CWC27: variants seen among roughly 807,000 people sequenced by gnomAD.
The protein encoded by CWC27 is CWC27 spliceosome associated cyclophilin.
CWC27 carries 47 observed loss-of-function variants against 63.6 expected under a neutral mutation model. The observed-to-expected ratio is 0.74, with a 90% confidence interval of 0.58 to 0.94. CWC27 has a LOEUF of 0.94. CWC27 is among the 40% of genes least tolerant of loss of function. The probability of loss-of-function intolerance (pLI) is 0.00; values close to 1 mark genes in which losing one functional copy is unlikely to be tolerated. For missense variants in CWC27, 495 were observed against 554.3 expected, an observed-to-expected ratio of 0.89 and a Z score of 1.07; for synonymous variants, 175 against 179.8, an observed-to-expected ratio of 0.97 and a Z score of 0.22.
At chr5:64,921,296 G>A (rs1396004358) in intron 11 of CWC27, among the ~76,000 whole-genome samples, 1 of 152,026 alleles carries the variant, frequency 6.6e-6, no homozygotes, top group Non-Finnish European at 1.5e-5. Context: ...ATCTGAGAGT[G>A]TAGTTAGTAT....
intron 1 of CWC27, among the ~76,000 whole-genome samples, chr5:64,772,510 C>T (rs567055282): frequency 5.7e-4 from 86 of 149,904 alleles, no homozygotes; most frequent in Admixed American, 1.6e-3. Flanking sequence ...GCCTGTAATC[C>T]CAGCTACTCA....
intron 11 of CWC27, among the ~76,000 whole-genome samples, chr5:64,971,020 G>C (rs1443928803): frequency 6.8e-6 from 1 of 147,670 alleles, no homozygotes. Context: ...AAATTTCATT[G>C]ATATTTACAC....
Position 64,878,470 on chromosome 5 carries a change from TAAAAAAAAA to T in CWC27, c.939-6951_939-6943del, listed in dbSNP as rs397998002. On this transcript the variant is annotated intron_variant, in intron 10 of 13. Coordinates refer to ENST00000381070, the MANE Select transcript of CWC27 (RefSeq NM_005869.4). ...GTCAGCACTGTCCTGGGTTACAGAT[TAAAAAAAAA>T]AAAAAAAAAAAAAAAAAAAAAGCAC... is the stretch of plus-strand genomic sequence containing the variant. Among the ~76,000 whole-genome samples the T allele has an allele frequency of 3.2e-3, 85 of 26,936 alleles. 1 individual carries two copies. In the East Asian group the frequency reaches 0.067, roughly 21 times the overall value. The allele number at this position is 26,936 out of a possible 152,430, so 17.7% of individuals were successfully genotyped here.
At chr5:64,777,577 A>G (rs1743501261) in intron 2 of CWC27, among the ~76,000 whole-genome samples, 1 of 152,140 alleles carries the variant, frequency 6.6e-6, no homozygotes, top group Admixed American at 6.6e-5. Flanking sequence ...AATAGAAACC[A>G]TGTGACAAAT....
At chr5:64,884,476 G>C (rs1473412799) in intron 10 of CWC27, among the ~76,000 whole-genome samples, 1 of 152,146 alleles carries the variant, frequency 6.6e-6, no homozygotes, top group Non-Finnish European at 1.5e-5. Flanking sequence ...TTGGGATAAG[G>C]AAAGAAGCAC....
At chr5:64,924,097 T>G (rs1238970393) in intron 11 of CWC27, among the ~76,000 whole-genome samples, 1 of 152,212 alleles carries the variant, frequency 6.6e-6, no homozygotes, top group Admixed American at 6.5e-5. Context: ...CCTAATTGGT[T>G]TCCTTGTCTC....
At chr5:64,951,236 G>C (rs977673954) in intron 11 of CWC27, among the ~76,000 whole-genome samples, 11 of 151,544 alleles carry the variant, frequency 7.3e-5, no homozygotes, top group Admixed American at 7.2e-4. Flanking sequence ...GTCAATTAAT[G>C]GTATTATCGG....
chr5:64,798,103 G>A (rs1163062455), intron 7 of CWC27, among the ~76,000 whole-genome samples: 1 of 152,174 alleles, frequency 6.6e-6, no homozygotes, highest in Non-Finnish European at 1.5e-5. Flanking sequence ...TTTAAGGAAG[G>A]AAAGCATGAA....
chr5:65,009,655 C>T (rs537712760), intron 13 of CWC27, among the ~76,000 whole-genome samples: 1 of 152,136 alleles, frequency 6.6e-6, no homozygotes, highest in Non-Finnish European at 1.5e-5. Flanking sequence ...AACTAAAACT[C>T]TCTCTCTCTG....
intron 13 of CWC27, among the ~76,000 whole-genome samples, chr5:65,017,220 C>T (rs1408924567): frequency 6.6e-6 from 1 of 152,040 alleles, no homozygotes; most frequent in Non-Finnish European, 1.5e-5. Context: ...ACTTGGGAGG[C>T]CGAGGCAGGA....
At chr5:65,000,058 G>C (rs756876863) in intron 13 of CWC27, among the ~76,000 whole-genome samples, 29 of 151,992 alleles carry the variant, frequency 1.9e-4, no homozygotes, top group Non-Finnish European at 3.5e-4. Flanking sequence ...ATCTCACTGT[G>C]GCTTTGATTC....
At chr5:64,918,034 G>GA (rs1747924657) in intron 11 of CWC27, among the ~76,000 whole-genome samples, 1 of 150,766 alleles carries the variant, frequency 6.6e-6, no homozygotes, top group African/African-American at 2.4e-5. Flanking sequence ...AACAAAACTT[G>GA]AAAAAAAAAT....
chr5:64,843,040 A>G (rs1379601893), intron 10 of CWC27, among the ~76,000 whole-genome samples: 1 of 152,224 alleles, frequency 6.6e-6, no homozygotes, highest in Non-Finnish European at 1.5e-5. Context: ...TTAATGTTAC[A>G]AGGTTTACTC....
intron 11 of CWC27, among the ~76,000 whole-genome samples, chr5:64,921,318 T>C (rs1261480606): frequency 6.6e-6 from 1 of 152,160 alleles, no homozygotes; most frequent in Non-Finnish European, 1.5e-5. Flanking sequence ...GTTTTGATTT[T>C]TTTTTAATTT....
chr5:64,900,686 G>A (rs1039011077), intron 11 of CWC27, among the ~76,000 whole-genome samples: 1 of 151,838 alleles, frequency 6.6e-6, no homozygotes, highest in Non-Finnish European at 1.5e-5. Context: ...GTAGTTTTAA[G>A]ATTTTACATT....
chr5:64,842,858 TC>T (rs1382260169), intron 10 of CWC27, among the ~76,000 whole-genome samples: 1 of 152,120 alleles, frequency 6.6e-6, no homozygotes, highest in Non-Finnish European at 1.5e-5. Context: ...ACCCTCACCC[TC>T]TCAAAGTGCT....
chr5:64,863,491 T>A (rs955402433), intron 10 of CWC27, among the ~76,000 whole-genome samples: 2 of 150,784 alleles, frequency 1.3e-5, no homozygotes, highest in African/African-American at 4.9e-5. Context: ...TCTCCTCCTC[T>A]CCCCTCCTCT....
In CWC27 at chr5:64,785,511, C is replaced by A; in HGVS notation, c.427C>A (p.Arg143=). Residue 143 remains arginine (R), a synonymous_variant, in exon 5 of 14, where the codon CGA becomes AGA. Transcript: ENST00000381070. ...AGGGGATACAGTATATAACATGTTG[C>A]GACTGTCAGAAGTAGACATTGATGA... ...VTGDTVYNML[R]LSEVDIDDDE... is the part of the protein sequence containing the mutation. 2 of 1,542,726 alleles carry A rather than the reference C, an allele frequency of 1.3e-6. No homozygotes were observed. Among genetic ancestry groups the A allele is most frequent in the Non-Finnish European group, 1.7e-6 (2 of 1,151,792 alleles).
At chr5:64,791,275 C>G (rs1744071347) in intron 7 of CWC27, among the ~76,000 whole-genome samples, 1 of 152,144 alleles carries the variant, frequency 6.6e-6, no homozygotes, top group South Asian at 2.1e-4. Context: ...TGAATTTTTT[C>G]TATTTGTAAC....
Sources: gnomAD v4.1 joint callset for allele counts (sites outside exome capture counted in the v4.1 genomes callset) on GRCh38, gnomAD v4.1.1 for gene constraint, MANE v1.5 for transcripts, NCBI Gene and HGNC (gene_info 2026-07-23, HGNC 2026-07-21) for gene names.